VWF: variants seen among roughly 807,000 people sequenced by gnomAD.
VWF encodes the protein von Willebrand factor, also known as Factor VIII related antigen.
VWF carries 176 observed loss-of-function variants against 308.6 expected under a neutral mutation model. The ratio of observed to expected loss-of-function variants is 0.57; its 90% CI spans 0.50 to 0.65. VWF has a LOEUF of 0.65. VWF is among the 30% of genes least tolerant of loss of function. VWF has a pLI of 0.00. For synonymous variants in VWF, 1,385 were observed against 1,443.4 expected, an observed-to-expected ratio of 0.96 and a Z score of 0.92; for missense variants, 3,146 against 3,648.2, an observed-to-expected ratio of 0.86 and a Z score of 3.55.
chr12:6,001,887 A>G (rs1471251984), intron 34 of VWF, among the ~76,000 whole-genome samples: 2 of 152,086 alleles, frequency 1.3e-5, no homozygotes, highest in African/African-American at 4.8e-5. Context: ...TATTACAGAT[A>G]CTCTCGTCAG....
rs58457258 is a variant in VWF at position 6,112,827 on chromosome 12, G to GACACAC, written c.221-1865_221-1860dup. ...GGACAACCACACACACAGACACACA[G>GACACAC]ACACACACACACACACACACACACA... On this transcript the variant is annotated intron_variant, in intron 3 of 51. Transcript: ENST00000261405. Among the ~76,000 whole-genome samples, 1,020 of 145,144 alleles carry GACACAC rather than the reference G, an allele frequency of 7.0e-3. 9 individuals carry two copies. Among genetic ancestry groups the GACACAC allele is most frequent in the African/African-American group, 0.023 (918 of 40,218 alleles).
At chr12:5,983,400 A>AC (rs1240197911) in intron 40 of VWF, 146 bp from the exon 41 acceptor site, 8 of 337,010 alleles carry the variant, frequency 2.4e-5, no homozygotes, top group African/African-American at 2.2e-4. Flanking sequence ...TACATGGGTT[A>AC]GGATAGATAG....
rs1385744079 is a variant in VWF at position 6,046,220 on chromosome 12, A to C, written c.2281+503T>G. On this transcript the variant is annotated intron_variant, in intron 17 of 51. Transcript: ENST00000261405. This position sits in a 1 kb window ranked among gnomAD's most constrained non-coding sequence, Gnocchi z 5.0. ...ACCTGGGTGACAGAGTGAGACTCTC[A>C]AAAAAAAAAGACAGTGCAGCCACCG... Among the ~76,000 whole-genome samples, 3 of 149,792 alleles carry C rather than the reference A, an allele frequency of 2.0e-5. No homozygotes were observed. The highest frequency in any genetic ancestry group is 7.3e-5 in the African/African-American group (3 of 40,936).
chr12:6,057,451 T>C (rs575664220), intron 14 of VWF, among the ~76,000 whole-genome samples: 2 of 147,696 alleles, frequency 1.4e-5, no homozygotes, highest in South Asian at 4.3e-4. Context: ...TAGTTGGGAT[T>C]ACAGGCGCGC....
In VWF at chr12:6,074,845, C is replaced by G. The variant is rs144358063; in HGVS notation, c.874+490G>C. Among the ~76,000 whole-genome samples the G allele has an allele frequency of 1.2e-4, 19 of 152,248 alleles. No individual in the cohort carries two copies. The East Asian group carries it at 3.7e-3, about 29-fold the overall frequency. ...GATGAAACACACAGCACGAGTAAGG[C>G]AGGAGGGATAGCGGTCATTAGCCTG... On this transcript the variant is annotated intron_variant, in intron 7 of 51. Coordinates refer to ENST00000261405, the MANE Select transcript of VWF (RefSeq NM_000552.5).
chr12:6,089,159 G>T (rs1193010579), intron 6 of VWF, among the ~76,000 whole-genome samples: 1 of 152,194 alleles, frequency 6.6e-6, no homozygotes, highest in Non-Finnish European at 1.5e-5. Context: ...GAACCTGGGG[G>T]CCCTGCGGGA....
intron 38 of VWF, among the ~76,000 whole-genome samples, chr12:5,986,324 T>C (rs1189206999): frequency 3.9e-5 from 6 of 152,174 alleles, no homozygotes; most frequent in East Asian, 1.9e-4. Context: ...TGCAGGACTG[T>C]TGTAAGGAGT....
chr12:5,950,177 A>G (rs1342101780), intron 50 of VWF, among the ~76,000 whole-genome samples: 1 of 152,170 alleles, frequency 6.6e-6, no homozygotes. Context: ...TTGCCTTTGT[A>G]TCATTGTAGA....
intron 47 of VWF, among the ~76,000 whole-genome samples, chr12:5,964,193 G>A (rs1190037665): frequency 2.3e-5 from 3 of 129,708 alleles, no homozygotes; most frequent in Admixed American, 7.5e-5. Context: ...CTCCAGCCTG[G>A]GCGACAGAGA....
In VWF at chr12:5,993,875, T is replaced by G. The variant is rs752594033; in HGVS notation, c.6585A>C (p.Thr2195=). Residue 2195 remains threonine (T), a synonymous_variant, in exon 37 of 52, where the codon ACA becomes ACC. Coordinates refer to ENST00000261405, the MANE Select transcript of VWF (RefSeq NM_000552.5). ...TTGGAGACTCACCACAGAAATCAGG[T>G]GTCCTCCAGTCAACGCAGACCCCGT... The part of the protein sequence containing the change: ...RTNGVCVDWR[T]PDFCAMSCPP... 1.9e-6 allele frequency: 3 copies of G among 1,613,146 alleles called. No homozygotes were observed. Among genetic ancestry groups the G allele is most frequent in the Non-Finnish European group, 2.5e-6 (3 of 1,179,872 alleles).
chr12:5,983,657 TAGAC>T (rs1465150309), intron 40 of VWF, among the ~76,000 whole-genome samples: 3 of 151,456 alleles, frequency 2.0e-5, no homozygotes, highest in African/African-American at 2.4e-5. Context: ...ATACATATGT[TAGAC>T]AGAGATAGGA....
chr12:5,960,832 T>A (rs768390320), intron 47 of VWF, among the ~76,000 whole-genome samples: 1 of 152,200 alleles, frequency 6.6e-6, no homozygotes, highest in Non-Finnish European at 1.5e-5. Flanking sequence ...GAGAACTTCT[T>A]CAATATGCTA....
At chr12:5,975,052 G>A (rs1047855980) in intron 43 of VWF, among the ~76,000 whole-genome samples, 1 of 152,164 alleles carries the variant, frequency 6.6e-6, no homozygotes, top group Non-Finnish European at 1.5e-5. Flanking sequence ...GAAAACCAAA[G>A]GGTTTCCAAA....
At chr12:6,029,948 G>A (rs1437417390) in intron 21 of VWF, among the ~76,000 whole-genome samples, 1 of 152,110 alleles carries the variant, frequency 6.6e-6, no homozygotes, top group Non-Finnish European at 1.5e-5. Context: ...CCTCCCCAGA[G>A]CCACTGTCAT....
At chr12:6,056,212 A>G (rs901406269) in intron 15 of VWF, among the ~76,000 whole-genome samples, 2 of 148,442 alleles carry the variant, frequency 1.3e-5, no homozygotes, top group South Asian at 4.4e-4. Context: ...TTGGAGTTCC[A>G]CATCATCACT....
intron 23 of VWF, 40 bp downstream of exon 23, chr12:6,025,866 C>T: frequency 1.2e-6 from 2 of 1,613,646 alleles, no homozygotes; most frequent in Non-Finnish European, 8.5e-7. Flanking sequence ...TTCCAGGAAG[C>T]AAGCTCTAGG....
intron 5 of VWF, among the ~76,000 whole-genome samples, chr12:6,105,701 GC>G (rs1402806048): frequency 6.6e-6 from 1 of 151,978 alleles, no homozygotes. Context: ...AAATAGAATT[GC>G]CATTAGAAAT....
At chr12:6,033,700 G>A (rs1944298719) in intron 20 of VWF, among the ~76,000 whole-genome samples, 1 of 152,298 alleles carries the variant, frequency 6.6e-6, no homozygotes, top group South Asian at 2.1e-4. Context: ...TGTGAGGTGG[G>A]GACTGAGGAG....
chr12:5,987,298 T>C (rs1434879181), intron 38 of VWF, among the ~76,000 whole-genome samples: 1 of 152,254 alleles, frequency 6.6e-6, no homozygotes, highest in Admixed American at 6.5e-5. Context: ...ATGTTCAAGA[T>C]ATTTTTCTAA....
Sources: gnomAD v4.1 joint callset for allele counts (sites outside exome capture counted in the v4.1 genomes callset) on GRCh38, gnomAD v4.1.1 for gene constraint, Gnocchi (gnomAD v3.1) non-coding constraint, MANE v1.5 for transcripts, NCBI Gene and HGNC (gene_info 2026-07-23, HGNC 2026-07-21) for gene names.